The following GABRB3 variants were observed in gnomAD, a reference collection of about 807,000 sequenced individuals.
The protein encoded by GABRB3 is gamma-aminobutyric acid type A receptor subunit beta3, also known as gamma-aminobutyric acid receptor subunit beta-3.
GABRB3 carries 14 observed loss-of-function variants against 52.1 expected under a neutral mutation model. That is an observed-to-expected ratio of 0.27 (90% confidence interval 0.18 to 0.42). GABRB3 has a LOEUF of 0.42. GABRB3 is among the 10% of genes least tolerant of loss of function. The pLI, the probability that GABRB3 is intolerant of heterozygous loss-of-function variation, is 1.00. For synonymous variants in GABRB3, 260 were observed against 232.3 expected (o/e 1.12, Z -1.08); for missense variants, 307 against 609.1 (o/e 0.50, Z 5.22).
At chr15:26,717,343 A>T (rs988088926) in intron 3 of GABRB3, among the ~76,000 whole-genome samples, 1 of 152,130 alleles carries the variant, frequency 6.6e-6, no homozygotes, top group African/African-American at 2.4e-5. Context: ...CCTCCACCCA[A>T]TGACAGCCCA....
intron 3 of GABRB3, among the ~76,000 whole-genome samples, chr15:26,649,974 C>T (rs1887147135): frequency 6.6e-6 from 1 of 152,064 alleles, no homozygotes; most frequent in Non-Finnish European, 1.5e-5. Context: ...AAAACCCAAA[C>T]AAAATTCTGA....
At chr15:26,593,966 T>C (rs1891299277) in intron 4 of GABRB3, among the ~76,000 whole-genome samples, 1 of 95,254 alleles carries the variant, frequency 1.0e-5, no homozygotes, top group Non-Finnish European at 2.1e-5. Flanking sequence ...ACAACATTTG[T>C]TCTTCTCATT....
chr15:26,705,697 A>G (rs1889077142), intron 3 of GABRB3, among the ~76,000 whole-genome samples: 1 of 152,214 alleles, frequency 6.6e-6, no homozygotes, highest in Non-Finnish European at 1.5e-5. Flanking sequence ...ATCAGTGCAG[A>G]CAAAAGATGA....
chr15:26,579,040 A>C (rs895639078), intron 6 of GABRB3, among the ~76,000 whole-genome samples: 42 of 152,318 alleles, frequency 2.8e-4, no homozygotes, highest in African/African-American at 1.0e-3. Flanking sequence ...TGGTGTCTTA[A>C]AAATTCAGGC....
At chr15:26,768,414 C>A (rs1353986143) in intron 3 of GABRB3, among the ~76,000 whole-genome samples, 4 of 152,112 alleles carry the variant, frequency 2.6e-5, no homozygotes, top group Non-Finnish European at 5.9e-5. Flanking sequence ...AACAATGGCT[C>A]ATTTTAATAA....
At chr15:26,651,095 C>G (rs541296659) in intron 3 of GABRB3, among the ~76,000 whole-genome samples, 2 of 152,338 alleles carry the variant, frequency 1.3e-5, no homozygotes, top group Non-Finnish European at 2.9e-5. Flanking sequence ...CCCTCACTGA[C>G]AGAGGGCAAC....
chr15:26,754,945 T>C (rs911096399), intron 3 of GABRB3, among the ~76,000 whole-genome samples: 6 of 151,546 alleles, frequency 4.0e-5, no homozygotes, highest in Admixed American at 3.3e-4. Flanking sequence ...GAGATTTAAA[T>C]CCCTTGGTAG....
chr15:26,627,767 A>G (rs910047151), intron 3 of GABRB3, among the ~76,000 whole-genome samples: 4 of 152,226 alleles, frequency 2.6e-5, no homozygotes, highest in Non-Finnish European at 4.4e-5. Context: ...GATGTTGTGA[A>G]CATTGTTGCA....
intron 3 of GABRB3, among the ~76,000 whole-genome samples, chr15:26,712,691 T>A (rs1457872353): frequency 2.0e-5 from 3 of 152,050 alleles, no homozygotes; most frequent in Non-Finnish European, 4.4e-5. Flanking sequence ...GTTGCTGCAG[T>A]GTGTGGAAGG....
intron 3 of GABRB3, among the ~76,000 whole-genome samples, chr15:26,722,318 G>C (rs984899614): frequency 2.0e-5 from 3 of 152,164 alleles, no homozygotes. Context: ...TCTCTGGACG[G>C]CTGTTTGGGT....
intron 7 of GABRB3, among the ~76,000 whole-genome samples, chr15:26,565,081 C>G (rs139527532): frequency 6.6e-6 from 1 of 152,302 alleles, no homozygotes; most frequent in East Asian, 1.9e-4. Context: ...TTCTCCAGAA[C>G]AGATAAACTA....
chr15:26,685,931 C>T (rs7167639), intron 3 of GABRB3, among the ~76,000 whole-genome samples: 56 of 151,870 alleles, frequency 3.7e-4, no homozygotes, highest in African/African-American at 9.4e-4. Flanking sequence ...CAGCTTCCCA[C>T]GTAGCTAGGA....
chr15:26,707,451 TAG>T (rs1324022300), intron 3 of GABRB3, among the ~76,000 whole-genome samples: 1 of 152,012 alleles, frequency 6.6e-6, no homozygotes. Flanking sequence ...ATATCTAGGA[TAG>T]AGTCACTCAG....
chr15:26,629,056 G>C (rs1461697537), intron 3 of GABRB3: 1 of 1,535,992 alleles, frequency 6.5e-7, no homozygotes, highest in African/African-American at 1.4e-5. Flanking sequence ...CAAAGACTCC[G>C]AGAGCCTCCG....
chr15:26,645,049 C>T lies in GABRB3; in HGVS notation c.241-23515G>A, dbSNP rs144305081. Among the ~76,000 whole-genome samples, 264 of 152,226 alleles carry T rather than the reference C, an allele frequency of 1.7e-3. 3 individuals are homozygous for T. Among genetic ancestry groups the T allele is most frequent in the African/African-American group, 6.1e-3 (253 of 41,542 alleles). On this transcript the variant is annotated intron_variant, in intron 3 of 8. Coordinates refer to ENST00000311550, the MANE Select transcript of GABRB3 (RefSeq NM_000814.6). ...GATTGCTTGAGGCAATTGAGACCAG[C>T]CTGGGAAACAGAGTGAGAACCCCTG... is the stretch of plus-strand genomic sequence containing the variant.
At chr15:26,673,051 C>G (rs1887947583) in intron 3 of GABRB3, among the ~76,000 whole-genome samples, 1 of 152,132 alleles carries the variant, frequency 6.6e-6, no homozygotes, top group East Asian at 1.9e-4. Context: ...CATAATGGAG[C>G]TACAAATTGA....
intron 3 of GABRB3, among the ~76,000 whole-genome samples, chr15:26,744,293 A>G (rs1890281431): frequency 6.6e-6 from 1 of 152,224 alleles, no homozygotes; most frequent in Admixed American, 6.5e-5. Context: ...CTGTATAAAC[A>G]TTTAACTAAT....
chr15:26,609,680 A>G (rs954542559), intron 4 of GABRB3, among the ~76,000 whole-genome samples: 3 of 152,194 alleles, frequency 2.0e-5, no homozygotes, highest in Non-Finnish European at 4.4e-5. Flanking sequence ...TCTGTTAGGC[A>G]GGAAGAATAT....
chr15:26,567,521 CTT>C (rs1186048037), intron 7 of GABRB3, 58 bp downstream of exon 7: 63 of 1,542,780 alleles, frequency 4.1e-5, no homozygotes, highest in Non-Finnish European at 5.1e-5. Flanking sequence ...TTTGAACTCT[CTT>C]AATACTGTAA....
Sources: allele counts gnomAD v4.1 joint callset (sites outside exome capture counted in the v4.1 genomes callset), GRCh38; gene constraint gnomAD v4.1.1; transcripts MANE v1.5; gene names NCBI Gene and HGNC (gene_info 2026-07-23, HGNC 2026-07-21).